The following FIG4 variants were observed in gnomAD, a reference collection of about 807,000 sequenced individuals.
The protein encoded by FIG4 is FIG4 phosphoinositide 5-phosphatase.
A neutral mutation model predicts 118.6 loss-of-function variants in FIG4; 112 were observed. The observed-to-expected ratio is 0.94, with a 90% confidence interval of 0.81 to 1.11. The LOEUF is 1.11. FIG4 is among the 50% of genes least tolerant of loss of function. FIG4 has a pLI of 0.00. For synonymous variants in FIG4, 369 were observed against 381.2 expected (o/e 0.97, Z 0.37); for missense variants, 969 against 1,111.7 (o/e 0.87, Z 1.83).
At chr6:109,820,022 A>C (rs1778962365) in intron 22 of FIG4, among the ~76,000 whole-genome samples, 1 of 152,186 alleles carries the variant, frequency 6.6e-6, no homozygotes, top group Admixed American at 6.5e-5. Context: ...GGGGGCACAG[A>C]CATAGGTGTG....
intron 10 of FIG4, among the ~76,000 whole-genome samples, chr6:109,744,541 G>T (rs186669314): frequency 2.0e-5 from 3 of 151,986 alleles, no homozygotes; most frequent in Non-Finnish European, 4.4e-5. Context: ...AGTGTCTGAG[G>T]TTATTCTGAG....
chr6:109,795,870 G>C (rs1364581419), intron 21 of FIG4, among the ~76,000 whole-genome samples: 1 of 152,020 alleles, frequency 6.6e-6, no homozygotes, highest in African/African-American at 2.4e-5. Context: ...CAAAGTGCTG[G>C]GATTACAGGC....
chr6:109,817,435 A>G (rs1449485191), intron 22 of FIG4, among the ~76,000 whole-genome samples: 2 of 152,234 alleles, frequency 1.3e-5, no homozygotes, highest in Non-Finnish European at 2.9e-5. Context: ...TGTACTGTTT[A>G]TAAATTGCAT....
chr6:109,796,585 A>G (rs185766181), intron 21 of FIG4, among the ~76,000 whole-genome samples, 180 bp from the exon 22 acceptor site: 3 of 152,310 alleles, frequency 2.0e-5, no homozygotes, highest in African/African-American at 7.2e-5. Context: ...CCCTTTTCCT[A>G]CTTTTAACAA....
Position 109,715,169 on chromosome 6 carries a change from A to G in FIG4, c.158A>G (p.Asp53Gly). The change falls in exon 2 of 23, where the codon GAT becomes GGT. Residue 53 changes from aspartate (D) to glycine (G), a missense_variant. Physicochemically the swap from Asp to Gly is moderately conservative, Grantham distance 94. This residue lies in a region of FIG4 where 393 missense variants were observed against 409.4 expected (regional missense o/e 0.96). Coordinates refer to ENST00000230124, the MANE Select transcript of FIG4 (RefSeq NM_014845.6). ...GAACCAAAAGATTTGGTCATAATTG[A>G]TGACAGGGTAAGTATCCTCCAAACC... ...RTEPKDLVII[D>G]DRHVYTQQEV... 1 of 1,578,522 alleles carries G rather than the reference A, an allele frequency of 6.3e-7. No homozygotes were observed. The highest frequency in any genetic ancestry group is 8.7e-7 in the Non-Finnish European group (1 of 1,148,318).
intron 5 of FIG4, among the ~76,000 whole-genome samples, chr6:109,733,117 T>C (rs1449201073): frequency 6.6e-6 from 1 of 152,142 alleles, no homozygotes; most frequent in Non-Finnish European, 1.5e-5. Context: ...GCTGGTGGCA[T>C]TGTAAATTAA....
At position 109,716,469 on chromosome 6, in the gene FIG4, A is replaced by AGG; in HGVS notation, c.192_193dup (p.Glu65GlyfsTer39). 1 of 1,613,398 alleles carries AGG rather than the reference A, an allele frequency of 6.2e-7. No homozygotes were observed. Among genetic ancestry groups the AGG allele is most frequent in the Non-Finnish European group, 8.5e-7 (1 of 1,179,370 alleles). On this transcript the variant is annotated frameshift_variant, in exon 3 of 23. Transcript: ENST00000230124. LOFTEE classifies it high-confidence loss of function. ...GCATGTCTATACTCAACAAGAAGTA[A>AGG]GGGAACTTCTTGGCCGCTTGGATCT...
At chr6:109,705,560 C>T (rs1775042219) in intron 1 of FIG4, among the ~76,000 whole-genome samples, 1 of 152,160 alleles carries the variant, frequency 6.6e-6, no homozygotes, top group African/African-American at 2.4e-5. Context: ...TGGGTTTTAG[C>T]CTTTGGCTCC....
At chr6:109,722,396 C>T (rs77976351) in intron 3 of FIG4, among the ~76,000 whole-genome samples, 2,226 of 151,990 alleles carry the variant, frequency 0.015, 58 homozygotes, top group African/African-American at 0.051. Context: ...TTCAATTAGT[C>T]ATTCTTTTTT....
intron 10 of FIG4, among the ~76,000 whole-genome samples, chr6:109,753,241 G>T (rs1417780212): frequency 1.3e-5 from 2 of 152,222 alleles, no homozygotes; most frequent in East Asian, 3.9e-4. Context: ...TGTTCAGGGT[G>T]GTATGGCCGT....
chr6:109,788,555 A>G (rs548973422), intron 18 of FIG4, among the ~76,000 whole-genome samples: 1 of 152,220 alleles, frequency 6.6e-6, no homozygotes, highest in African/African-American at 2.4e-5. Flanking sequence ...CACTCTGTAC[A>G]TGCACATGTC....
intron 17 of FIG4, chr6:109,785,564 A>G (rs1423883355): frequency 2.3e-6 from 1 of 438,732 alleles, no homozygotes; most frequent in South Asian, 1.7e-5. Context: ...ATACATTAGA[A>G]TGATGTTTCC....
At position 109,778,595 on chromosome 6, in the gene FIG4, G is replaced by T. The variant is rs903560616; in HGVS notation, c.1889+1535G>T. Among the ~76,000 whole-genome samples, 59 of 151,002 alleles carry T rather than the reference G, an allele frequency of 3.9e-4. 1 individual carries two copies. Among genetic ancestry groups the T allele is most frequent in the East Asian group, 3.9e-4 (2 of 5,098 alleles). ...ACAGCTCTTGCAGTTGTTTTTTTTT[G>T]TTTGTTTGTTTGTTTTTTTCGGAGA... On this transcript the variant is annotated intron_variant, in intron 16 of 22. Transcript: ENST00000230124.
chr6:109,788,487 G>A (rs560964533), intron 18 of FIG4, among the ~76,000 whole-genome samples: 3 of 152,176 alleles, frequency 2.0e-5, no homozygotes, highest in Non-Finnish European at 4.4e-5. Context: ...ATTAAGAAGC[G>A]GAGTACCCCT....
At chr6:109,769,607 T>C (rs1472176700) in intron 15 of FIG4, among the ~76,000 whole-genome samples, 1 of 150,820 alleles carries the variant, frequency 6.6e-6, no homozygotes, top group African/African-American at 2.4e-5. Context: ...GGCAGGAACA[T>C]ACTGATAAAC....
At chr6:109,788,935 G>A (rs1365491638) in intron 18 of FIG4, among the ~76,000 whole-genome samples, 2 of 152,198 alleles carry the variant, frequency 1.3e-5, no homozygotes, top group Non-Finnish European at 2.9e-5. Flanking sequence ...TTTGCATAAT[G>A]TGGAAGCTTT....
chr6:109,800,733 A>AGGG (rs981533372), intron 22 of FIG4, among the ~76,000 whole-genome samples: 1 of 152,024 alleles, frequency 6.6e-6, no homozygotes, highest in Non-Finnish European at 1.5e-5. Context: ...CTGGTTTTCA[A>AGGG]GGGGGCATCC....
intron 22 of FIG4, among the ~76,000 whole-genome samples, chr6:109,818,760 G>A (rs1413905421): frequency 6.6e-6 from 1 of 152,138 alleles, no homozygotes; most frequent in Non-Finnish European, 1.5e-5. Flanking sequence ...CACATCACCT[G>A]TGCCACTAAT....
chr6:109,788,073 C>T (rs899466468), intron 18 of FIG4, among the ~76,000 whole-genome samples: 6 of 152,064 alleles, frequency 3.9e-5, no homozygotes, highest in African/African-American at 1.2e-4. Context: ...CTTTGCACAA[C>T]CATAAGCTAA....
Sources: gnomAD v4.1 joint callset for allele counts (sites outside exome capture counted in the v4.1 genomes callset) on GRCh38, gnomAD v4.1.1 for gene constraint, gnomAD v4.1.1 regional missense constraint, MANE v1.5 for transcripts, NCBI Gene and HGNC (gene_info 2026-07-23, HGNC 2026-07-21) for gene names.